DPP10: variants seen among roughly 807,000 people sequenced by gnomAD.
DPP10 encodes the protein dipeptidyl peptidase like 10.
A neutral mutation model predicts 120.9 loss-of-function variants in DPP10; 33 were observed. The observed-to-expected ratio is 0.27, with a 90% CI of 0.21 to 0.37. DPP10 has a LOEUF of 0.37. Among genes scored for constraint, DPP10 ranks in the 10% least tolerant of loss-of-function variants. The probability of loss-of-function intolerance (pLI) is 1.00; values close to 1 mark genes in which losing one functional copy is unlikely to be tolerated. For missense variants in DPP10, 816 were observed against 942.8 expected (o/e 0.87, Z 1.76); for synonymous variants, 337 against 326.1 (o/e 1.03, Z -0.36).
chr2:115,649,056 T>G (rs965475536), intron 5 of DPP10, among the ~76,000 whole-genome samples: 2 of 152,220 alleles, frequency 1.3e-5, no homozygotes, highest in East Asian at 3.9e-4. Context: ...TTTCCAGCAT[T>G]TCTGGGAAGA....
intron 3 of DPP10, among the ~76,000 whole-genome samples, chr2:115,436,184 A>G (rs954375853): frequency 4.0e-5 from 6 of 151,852 alleles, no homozygotes; most frequent in Admixed American, 3.3e-4. Context: ...AATAGTTACA[A>G]AAATCTTTGT....
At chr2:115,005,734 C>T (rs866670829) in intron 1 of DPP10, among the ~76,000 whole-genome samples, 34,991 of 151,760 alleles carry the variant, frequency 0.23, 4,654 homozygotes, top group East Asian at 0.33. Context: ...ACCAAATCTG[C>T]GTCTGATTGG....
rs180869127 is a variant in DPP10, at chr2:115,538,349, A to G, written c.441+12377A>G. Among the ~76,000 whole-genome samples the G allele has an allele frequency of 3.0e-4, 45 of 152,150 alleles. No individual in the cohort carries two copies. In the East Asian group the frequency reaches 8.3e-3, roughly 28 times the overall value. On this transcript the variant is annotated intron_variant, in intron 5 of 25. Transcript: ENST00000410059. Reference sequence around the variant, plus strand: ...ATTGATATTACATGTGAGAGCCTCCATGGATCGATCAGAAACCTATATTAT... The same window carrying G: ...ATTGATATTACATGTGAGAGCCTCCGTGGATCGATCAGAAACCTATATTAT...
chr2:115,278,233 A>G (rs2059997569), intron 1 of DPP10, among the ~76,000 whole-genome samples: 2 of 152,164 alleles, frequency 1.3e-5, no homozygotes, highest in African/African-American at 2.4e-5. Context: ...AGTATTCCAT[A>G]TATCTCAATA....
chr2:114,781,782 C>T (rs1457166208), intron 1 of DPP10, among the ~76,000 whole-genome samples: 2 of 152,048 alleles, frequency 1.3e-5, no homozygotes, highest in African/African-American at 4.8e-5. Flanking sequence ...CCTGTTCTTC[C>T]AATGAGTTCT....
intron 1 of DPP10, among the ~76,000 whole-genome samples, chr2:114,802,438 T>TA (rs1684332580): frequency 6.6e-6 from 1 of 152,196 alleles, no homozygotes; most frequent in Admixed American, 6.5e-5. Context: ...CCTCTTGTAT[T>TA]AAAAATAAAA....
chr2:115,393,679 A>G (rs894378075), intron 3 of DPP10, among the ~76,000 whole-genome samples: 2 of 152,222 alleles, frequency 1.3e-5, no homozygotes, highest in Non-Finnish European at 2.9e-5. Flanking sequence ...TACTTTCTCT[A>G]CTACACAGCT....
At chr2:115,216,385 G>T (rs1354195408) in intron 1 of DPP10, among the ~76,000 whole-genome samples, 6 of 152,128 alleles carry the variant, frequency 3.9e-5, no homozygotes, top group African/African-American at 1.4e-4. Context: ...ATCTCCCAAG[G>T]TCTCTGGAGA....
intron 1 of DPP10, among the ~76,000 whole-genome samples, chr2:114,521,804 G>GTTTTTTT (rs758908081): frequency 2.7e-5 from 3 of 112,738 alleles, no homozygotes; most frequent in African/African-American, 3.4e-5. Context: ...ATTATCCAAG[G>GTTTTTTT]TTTTTTTTTT....
chr2:114,446,545 G>T (rs548282435), intron 1 of DPP10, among the ~76,000 whole-genome samples: 31 of 152,210 alleles, frequency 2.0e-4, no homozygotes, highest in African/African-American at 7.2e-4. Flanking sequence ...TACAAGACCT[G>T]CCTGATTTAT....
At chr2:115,749,161 A>G (rs1678389980) in intron 10 of DPP10, among the ~76,000 whole-genome samples, 3 of 152,218 alleles carry the variant, frequency 2.0e-5, no homozygotes, top group Admixed American at 2.0e-4. Context: ...TATTGCAATC[A>G]CACAATACCT....
intron 3 of DPP10, among the ~76,000 whole-genome samples, chr2:115,463,010 G>A (rs766314663): frequency 4.3e-4 from 66 of 152,166 alleles, no homozygotes; most frequent in Non-Finnish European, 8.7e-4. Context: ...GATTAAAGGT[G>A]TTAGCTGCTG....
chr2:115,763,223 G>A lies in DPP10; in HGVS notation c.1113+613G>A, dbSNP rs147530575. ...AAAGGGAAATAAGATGTGTGGTATG[G>A]TTTGGTTTGGTTTTCTTTTTGTTCT... On this transcript the variant is annotated intron_variant, in intron 12 of 25. Coordinates refer to ENST00000410059, the MANE Select transcript of DPP10 (RefSeq NM_020868.6). Among the ~76,000 whole-genome samples the A allele has an allele frequency of 6.8e-4, 103 of 152,252 alleles. 2 individuals are homozygous for A. The highest frequency in any genetic ancestry group is 2.3e-3 in the African/African-American group (97 of 41,544).
chr2:114,958,274 G>A (rs1236668788), intron 1 of DPP10, among the ~76,000 whole-genome samples: 1 of 152,186 alleles, frequency 6.6e-6, no homozygotes, highest in Non-Finnish European at 1.5e-5. Flanking sequence ...GATTGGCCAA[G>A]ACGCAGTATT....
At chr2:115,289,099 C>T (rs1298493670) in intron 1 of DPP10, among the ~76,000 whole-genome samples, 2 of 152,046 alleles carry the variant, frequency 1.3e-5, no homozygotes, top group Non-Finnish European at 2.9e-5. Flanking sequence ...AGTAAAGGCT[C>T]GGGTTACAAA....
intron 1 of DPP10, among the ~76,000 whole-genome samples, chr2:114,936,557 G>T (rs1025958810): frequency 6.6e-6 from 1 of 152,062 alleles, no homozygotes; most frequent in Admixed American, 6.6e-5. Flanking sequence ...AAACATGCAT[G>T]TGCAAGTATC....
intron 1 of DPP10, among the ~76,000 whole-genome samples, chr2:114,523,348 A>G (rs962259364): frequency 6.6e-6 from 1 of 152,174 alleles, no homozygotes; most frequent in African/African-American, 2.4e-5. Context: ...CTCGACTTCC[A>G]TGCTGGGTAA....
chr2:115,516,357 C>G (rs1575070574), intron 4 of DPP10, among the ~76,000 whole-genome samples: 1 of 152,120 alleles, frequency 6.6e-6, no homozygotes. Flanking sequence ...GGATGTAAAT[C>G]TAAAATTATT....
intron 1 of DPP10, among the ~76,000 whole-genome samples, chr2:114,999,254 A>G (rs1027954059): frequency 2.6e-5 from 4 of 152,182 alleles, no homozygotes; most frequent in Non-Finnish European, 5.9e-5. Flanking sequence ...AGAGATCTGT[A>G]GTTTTGAGAA....
Sources: gnomAD v4.1 joint callset for allele counts (sites outside exome capture counted in the v4.1 genomes callset) on GRCh38, gnomAD v4.1.1 for gene constraint, MANE v1.5 for transcripts, NCBI Gene and HGNC (gene_info 2026-07-23, HGNC 2026-07-21) for gene names.